The following EFNA2 variants were observed in gnomAD, a reference collection of about 807,000 sequenced individuals.
EFNA2 encodes ephrin-A2.
In EFNA2, 18 loss-of-function variants were observed where a neutral mutation model predicts 19.7. That is an observed-to-expected ratio of 0.91 (90% CI 0.63 to 1.35). The LOEUF is 1.35. EFNA2 is among the 40% of genes most tolerant of loss of function. The pLI, the probability that EFNA2 is intolerant of heterozygous loss-of-function variation, is 0.00. For missense variants in EFNA2, 303 were observed against 296.0 expected (o/e 1.02, Z -0.17); for synonymous variants, 187 against 137.8 (o/e 1.36, Z -2.50).
intron 2 of EFNA2, among the ~76,000 whole-genome samples, chr19:1,298,056 G>C (rs891328143): frequency 5.0e-5 from 4 of 80,636 alleles, no homozygotes; most frequent in African/African-American, 2.3e-4. Context: ...TGGGCGACAA[G>C]AGCAAAGCTC....
chr19:1,291,409 G>T (rs981543483), intron 1 of EFNA2, among the ~76,000 whole-genome samples: 1 of 152,252 alleles, frequency 6.6e-6, no homozygotes, highest in African/African-American at 2.4e-5. Flanking sequence ...AGGAGGAAAA[G>T]CTCCAGTCCT....
chr19:1,291,054 C>T (rs935272069), intron 1 of EFNA2, among the ~76,000 whole-genome samples: 1 of 152,150 alleles, frequency 6.6e-6, no homozygotes, highest in Non-Finnish European at 1.5e-5. Context: ...GCAGCCGAGG[C>T]CCTGAAAGAC....
rs968480526 is a variant in EFNA2, at chr19:1,300,150, C to A, written c.*205C>A. On this transcript the variant is annotated 3_prime_UTR_variant, in exon 4 of 4. Coordinates refer to ENST00000215368, the MANE Select transcript of EFNA2 (RefSeq NM_001405.4). ...GGGAGGGGAAACGGCCGAGAGCCCC[C>A]CCCCGGAGGCCCGAGGGGCCGGGGT... 1.5e-6 allele frequency: 1 copy of A among 650,390 alleles called. No homozygotes were observed. Among genetic ancestry groups the A allele is most frequent in the Non-Finnish European group, 2.4e-6 (1 of 418,656 alleles). 40.3% of individuals were successfully genotyped at this position (650,390 alleles called of 1,614,324 possible). A position where few individuals can be genotyped will look rare whatever the true frequency, so the allele number is the denominator to read the frequency against.
In EFNA2 at chr19:1,297,621, C is replaced by T. The variant is rs2081521752; in HGVS notation, c.455-930C>T. Among the ~76,000 whole-genome samples the T allele has an allele frequency of 6.6e-6, 1 of 152,048 alleles. No homozygotes were observed. Among genetic ancestry groups the T allele is most frequent in the Admixed American group, 6.5e-5 (1 of 15,278 alleles). ...ATGGACCCACCCCTGTTCGATTGTC[C>T]ACACGTGTGCACACCCCAGCGGCCC... On this transcript the variant is annotated intron_variant, in intron 2 of 3. Coordinates refer to ENST00000215368, the MANE Select transcript of EFNA2 (RefSeq NM_001405.4). The surrounding 1 kb of genome is among the most constrained non-coding windows in gnomAD (Gnocchi z 5.0).
In EFNA2 at chr19:1,294,979, G is replaced by A. The variant is rs528742768; in HGVS notation, c.141-566G>A. Among the ~76,000 whole-genome samples, 1 of 152,196 alleles carries A rather than the reference G, an allele frequency of 6.6e-6. No homozygotes were observed. The highest frequency in any genetic ancestry group is 2.4e-5 in the African/African-American group (1 of 41,528). On this transcript the variant is annotated intron_variant, in intron 1 of 3. Coordinates refer to ENST00000215368, the MANE Select transcript of EFNA2 (RefSeq NM_001405.4). The surrounding 1 kb of genome is among the most constrained non-coding windows in gnomAD (Gnocchi z 5.8). ...CAGCTCGTGCAGAGGCCCGGAGTCA[G>A]GAACCCCCCGCCGGCCCTTTGCACA...
At position 1,295,639 on chromosome 19, in the gene EFNA2, C is replaced by G; in HGVS notation, c.235C>G (p.Pro79Ala). 1 of 1,611,530 alleles carries G rather than the reference C, an allele frequency of 6.2e-7. No individual in the cohort carries two copies. Among genetic ancestry groups the G allele is most frequent in the Non-Finnish European group, 8.5e-7 (1 of 1,179,404 alleles). Reference sequence around the variant, plus strand: ...CATCTACTGCCCGCACTATGGGGCGCCGCTGCCGCCGGCCGAGCGCATGGA... The same window carrying G: ...CATCTACTGCCCGCACTATGGGGCGGCGCTGCCGCCGGCCGAGCGCATGGA... Reference protein sequence around the residue: ...LDIYCPHYGAPLPPAERMEHY... With the variant: ...LDIYCPHYGAALPPAERMEHY... The change falls in exon 2 of 4, where the codon CCG (proline) becomes GCG (alanine). Residue 79 changes from proline (P) to alanine (A), a missense_variant. Pro to Ala is a conservative substitution (Grantham distance 27). Coordinates refer to ENST00000215368, the MANE Select transcript of EFNA2 (RefSeq NM_001405.4). This position sits in a 1 kb window ranked among gnomAD's most constrained non-coding sequence, Gnocchi z 5.8.
rs897712210 is a variant in EFNA2 at position 1,287,430 on chromosome 19, G to A, written c.140+1122G>A. Reference sequence around the variant, plus strand: ...GTCACTTTCTCTCCGTTTTCCAGCCGCTTCCTGTGCCGACCGAGCCGCCCT... The same window carrying A: ...GTCACTTTCTCTCCGTTTTCCAGCCACTTCCTGTGCCGACCGAGCCGCCCT... On this transcript the variant is annotated intron_variant, in intron 1 of 3. Transcript: ENST00000215368. This position sits in a 1 kb window ranked among gnomAD's most constrained non-coding sequence, Gnocchi z 6.2. Among the ~76,000 whole-genome samples the A allele has an allele frequency of 6.6e-6, 1 of 152,080 alleles. No individual in the cohort carries two copies. Among genetic ancestry groups the A allele is most frequent in the Admixed American group, 6.5e-5 (1 of 15,270 alleles).
Position 1,301,291 on chromosome 19 carries a change from G to T in EFNA2, c.*1346G>T, listed in dbSNP as rs2081542350. On this transcript the variant is annotated 3_prime_UTR_variant, in exon 4 of 4. Coordinates refer to ENST00000215368, the MANE Select transcript of EFNA2 (RefSeq NM_001405.4). ...CTCGAGGCACGCCCGGTGGTGGGGG[G>T]TGGGCAGAGGGCTTTTGTAGGGGGT... 6.7e-6 allele frequency among the ~76,000 whole-genome samples: 1 copy of T among 150,186 alleles called. No individual in the cohort carries two copies. Among genetic ancestry groups the T allele is most frequent in the African/African-American group, 2.4e-5 (1 of 41,006 alleles).
At chr19:1,298,728 C>T in intron 3 of EFNA2, 112 bp downstream of exon 3, 2 of 1,085,946 alleles carry the variant, frequency 1.8e-6, no homozygotes, top group Non-Finnish European at 2.7e-6. Context: ...GTTTCCCTAT[C>T]TTGCCCTGCC....
At chr19:1,290,796 C>T (rs940252912) in intron 1 of EFNA2, among the ~76,000 whole-genome samples, 1 of 152,192 alleles carries the variant, frequency 6.6e-6, no homozygotes, top group Non-Finnish European at 1.5e-5. Context: ...GCCCACCGTC[C>T]CGTCGCCCCA....
intron 3 of EFNA2, 33 bp from the exon 4 acceptor site, chr19:1,299,791 G>A (rs1179822028): frequency 1.3e-6 from 2 of 1,573,538 alleles, no homozygotes; most frequent in Middle Eastern, 1.7e-4. Context: ...GGGTTCGGGC[G>A]GCCGCTGAGC....
intron 3 of EFNA2, among the ~76,000 whole-genome samples, chr19:1,298,861 A>G (rs35584013): frequency 6.6e-6 from 1 of 151,928 alleles, no homozygotes; most frequent in South Asian, 2.1e-4. Context: ...GGGAGAATCA[A>G]TTGAGCCCAG....
In EFNA2 at chr19:1,286,683, C is replaced by T. The variant is rs1471036832; in HGVS notation, c.140+375C>T. Among the ~76,000 whole-genome samples the T allele has an allele frequency of 6.6e-6, 1 of 152,146 alleles. No homozygotes were observed. The highest frequency in any genetic ancestry group is 2.4e-5 in the African/African-American group (1 of 41,450). ...CTGATCCACCCGCTTCTCTGGGGAG[C>T]CCCCTCGGTTTCGCATTTGGTGGGG... is the stretch of plus-strand genomic sequence containing the variant. On this transcript the variant is annotated intron_variant, in intron 1 of 3. Transcript: ENST00000215368. This position sits in a 1 kb window ranked among gnomAD's most constrained non-coding sequence, Gnocchi z 5.6.
chr19:1,289,050 G>A (rs974396378), intron 1 of EFNA2, among the ~76,000 whole-genome samples: 26 of 152,254 alleles, frequency 1.7e-4, no homozygotes, highest in African/African-American at 4.8e-4. Context: ...GTGTGTTTGC[G>A]TGCAGCGGTG....
At chr19:1,284,882 A>G (rs1731241159), upstream of EFNA2, among the ~76,000 whole-genome samples, 1 of 152,206 alleles carries the variant, frequency 6.6e-6, no homozygotes, top group Non-Finnish European at 1.5e-5. This position sits in a 1 kb window ranked among gnomAD's most constrained non-coding sequence, Gnocchi z 5.3. Flanking sequence ...AAGTCCAGCC[A>G]GCGTTTGATG....
Position 1,295,895 on chromosome 19 carries a change from TGGGCGGGGACGCGG to T in EFNA2, c.454+46_454+59del. ...CGGGCCGGGGCTGCCGGGGCCCGAG[TGGGCGGGGACGCGG>T]GGGCGGGGCCAGGAAGTGGGCGGGA... On this transcript the variant is annotated intron_variant, in intron 2 of 3. Coordinates refer to ENST00000215368, the MANE Select transcript of EFNA2 (RefSeq NM_001405.4). The surrounding 1 kb of genome is among the most constrained non-coding windows in gnomAD (Gnocchi z 5.8). The T allele has an allele frequency of 9.1e-7, 1 of 1,094,530 alleles. No homozygotes were observed. Among genetic ancestry groups the T allele is most frequent in the South Asian group, 1.8e-5 (1 of 55,568 alleles). The allele number at this position is 1,094,530 out of a possible 1,614,324, so 67.8% of individuals were successfully genotyped here. A position where few individuals can be genotyped will look rare whatever the true frequency, so the allele number is the denominator to read the frequency against.
chr19:1,290,897 G>A (rs1006151389), intron 1 of EFNA2, among the ~76,000 whole-genome samples: 3 of 152,228 alleles, frequency 2.0e-5, no homozygotes, highest in African/African-American at 7.2e-5. Context: ...TGGCCGAGTC[G>A]GTCCTGGTGG....
chr19:1,295,937 A>C lies in EFNA2; in HGVS notation c.454+79A>C. The C allele has an allele frequency of 1.9e-5, 16 of 828,288 alleles. No homozygotes were observed. Among genetic ancestry groups the C allele is most frequent in the Non-Finnish European group, 2.3e-5 (14 of 611,948 alleles). The allele number at this position is 828,288 out of a possible 1,614,324, so 51.3% of individuals were successfully genotyped here. A position where few individuals can be genotyped will look rare whatever the true frequency, so the allele number is the denominator to read the frequency against. On this transcript the variant is annotated intron_variant, in intron 2 of 3. Coordinates refer to ENST00000215368, the MANE Select transcript of EFNA2 (RefSeq NM_001405.4). This position sits in a 1 kb window ranked among gnomAD's most constrained non-coding sequence, Gnocchi z 5.8. ...GCGGGGCCAGGAAGTGGGCGGGACC[A>C]CTGGGGTGGGGCCGGGGAGTGGGCG... is the stretch of plus-strand genomic sequence containing the variant.
In EFNA2 at chr19:1,297,809, C is replaced by G. The variant is rs949828583; in HGVS notation, c.455-742C>G. On this transcript the variant is annotated intron_variant, in intron 2 of 3. Transcript: ENST00000215368. The surrounding 1 kb of genome is among the most constrained non-coding windows in gnomAD (Gnocchi z 5.0). ...CCCAGCCAGGCGTGGCGGTGGCTCA[C>G]GCCTGTAATCCCAGCACTTTGGGAG... Among the ~76,000 whole-genome samples the G allele has an allele frequency of 6.6e-6, 1 of 152,018 alleles. No individual in the cohort carries two copies. Among genetic ancestry groups the G allele is most frequent in the African/African-American group, 2.4e-5 (1 of 41,388 alleles).
Sources: gnomAD v4.1 joint callset for allele counts (sites outside exome capture counted in the v4.1 genomes callset) on GRCh38, gnomAD v4.1.1 for gene constraint, Gnocchi (gnomAD v3.1) non-coding constraint, MANE v1.5 for transcripts, NCBI Gene and HGNC (gene_info 2026-07-23, HGNC 2026-07-21) for gene names.